SLC4A4: variants seen among roughly 807,000 people sequenced by gnomAD.
SLC4A4 encodes the protein electrogenic sodium bicarbonate cotransporter 1.
In SLC4A4, 27 loss-of-function variants were observed where a neutral mutation model predicts 111.5. That is an observed-to-expected ratio of 0.24 (90% CI 0.18 to 0.33). The LOEUF (loss-of-function observed/expected upper bound fraction) is 0.33, where lower values mean the gene tolerates loss of function less well. Among genes scored for constraint, SLC4A4 ranks in the 10% least tolerant of loss-of-function variants. The pLI is 1.00. For missense variants in SLC4A4, 909 were observed against 1,315.5 expected (o/e 0.69, Z 4.78); for synonymous variants, 443 against 463.4 (o/e 0.96, Z 0.57).
intron 3 of SLC4A4, among the ~76,000 whole-genome samples, chr4:71,325,356 G>T (rs1380140583): frequency 6.6e-6 from 1 of 151,942 alleles, no homozygotes; most frequent in African/African-American, 2.4e-5. Flanking sequence ...AGGACTGTTG[G>T]TTGCAAATGG....
At chr4:71,208,977 T>A (rs1422336982) in intron 1 of SLC4A4, among the ~76,000 whole-genome samples, 1 of 152,190 alleles carries the variant, frequency 6.6e-6, no homozygotes, top group East Asian at 1.9e-4. Flanking sequence ...TATTTGGTTA[T>A]AGAGACAAAT....
At chr4:71,063,386 T>C (rs1195019208) in intron 1 of SLC4A4, among the ~76,000 whole-genome samples, 1 of 152,208 alleles carries the variant, frequency 6.6e-6, no homozygotes, top group African/African-American at 2.4e-5. Flanking sequence ...TTGCCTCTAT[T>C]ATTTTATTAC....
chr4:71,138,819 G>A (rs1578515265), intron 2 of SLC4A4, among the ~76,000 whole-genome samples: 3 of 151,936 alleles, frequency 2.0e-5, no homozygotes, highest in Admixed American at 6.5e-5. Context: ...GGCGGATCAC[G>A]AGGTCAGGAG....
intron 3 of SLC4A4, among the ~76,000 whole-genome samples, chr4:71,292,909 T>G (rs1188943069): frequency 2.0e-5 from 3 of 149,750 alleles, no homozygotes; most frequent in Non-Finnish European, 4.4e-5. Context: ...TGGTGCGATT[T>G]CGGCTCACTG....
At chr4:71,216,061 A>G (rs1718414699) in intron 1 of SLC4A4, among the ~76,000 whole-genome samples, 1 of 151,182 alleles carries the variant, frequency 6.6e-6, no homozygotes, top group Non-Finnish European at 1.5e-5. Flanking sequence ...GGCGTGCACC[A>G]CCAGGCCTGG....
chr4:71,557,183 A>T (rs917055505), intron 21 of SLC4A4, among the ~76,000 whole-genome samples: 5 of 152,170 alleles, frequency 3.3e-5, no homozygotes, highest in Middle Eastern at 6.8e-3. Flanking sequence ...TATGCCACTC[A>T]GATAAGTAAT....
chr4:71,256,612 T>G (rs998308585), intron 3 of SLC4A4, among the ~76,000 whole-genome samples: 1 of 152,140 alleles, frequency 6.6e-6, no homozygotes, highest in African/African-American at 2.4e-5. Flanking sequence ...AGACTCAAGT[T>G]ATGTACTTTT....
intron 7 of SLC4A4, among the ~76,000 whole-genome samples, chr4:71,430,168 C>G (rs188325637): frequency 8.5e-5 from 13 of 152,130 alleles, no homozygotes; most frequent in Admixed American, 7.9e-4. Flanking sequence ...CTTGTGACCT[C>G]CCATTGGACA....
At chr4:71,072,864 C>T (rs186221765) in intron 1 of SLC4A4, among the ~76,000 whole-genome samples, 4 of 151,966 alleles carry the variant, frequency 2.6e-5, no homozygotes, top group Admixed American at 1.3e-4. Context: ...GCCTCTTGGG[C>T]TTAAGCGATC....
chr4:71,523,068 C>A (rs991598772), intron 16 of SLC4A4, among the ~76,000 whole-genome samples: 23 of 152,122 alleles, frequency 1.5e-4, no homozygotes, highest in African/African-American at 3.9e-4. Flanking sequence ...CAGATGACAT[C>A]CCCATTCTGG....
chr4:71,389,964 T>C (rs985481301), intron 6 of SLC4A4, among the ~76,000 whole-genome samples: 1 of 152,238 alleles, frequency 6.6e-6, no homozygotes, highest in Non-Finnish European at 1.5e-5. Context: ...TTCTTAGTTA[T>C]GAAATTCCTC....
At chr4:71,387,073 T>C (rs1282183156) in intron 6 of SLC4A4, among the ~76,000 whole-genome samples, 1 of 152,234 alleles carries the variant, frequency 6.6e-6, no homozygotes, top group Non-Finnish European at 1.5e-5. Context: ...GGTAGTGTTA[T>C]ACTTTCTTGA....
At chr4:71,239,025 A>G (rs1424079994) in intron 2 of SLC4A4, among the ~76,000 whole-genome samples, 6 of 152,154 alleles carry the variant, frequency 3.9e-5, no homozygotes. Flanking sequence ...TTTTAATTGC[A>G]TAGAGAAGAG....
intron 7 of SLC4A4, among the ~76,000 whole-genome samples, chr4:71,422,036 A>T (rs1722564802): frequency 6.6e-6 from 1 of 151,752 alleles, no homozygotes; most frequent in Non-Finnish European, 1.5e-5. Context: ...CAAAAAATTA[A>T]TGAATCCAGG....
intron 2 of SLC4A4, among the ~76,000 whole-genome samples, chr4:71,179,436 G>C (rs141603586): frequency 0.018 from 2,674 of 152,306 alleles, 79 homozygotes; most frequent in African/African-American, 0.059. Flanking sequence ...CAGATGACAT[G>C]ATTGTATATC....
intron 1 of SLC4A4, among the ~76,000 whole-genome samples, chr4:71,197,594 C>T (rs941500851): frequency 1.3e-5 from 2 of 152,110 alleles, no homozygotes; most frequent in Non-Finnish European, 2.9e-5. Context: ...TTAGCTTCCC[C>T]CAATGAACAC....
intron 2 of SLC4A4, among the ~76,000 whole-genome samples, chr4:71,116,599 A>G (rs1743273055): frequency 6.6e-6 from 1 of 152,206 alleles, no homozygotes; most frequent in African/African-American, 2.4e-5. Flanking sequence ...ATTGTAAGGA[A>G]GCTGGTTAAT....
At chr4:71,436,792 C>G (rs1724195140) in intron 7 of SLC4A4, among the ~76,000 whole-genome samples, 1 of 152,064 alleles carries the variant, frequency 6.6e-6, no homozygotes, top group Non-Finnish European at 1.5e-5. Context: ...TGTCCATAAT[C>G]CTTCCAGAAT....
intron 1 of SLC4A4, among the ~76,000 whole-genome samples, chr4:71,225,806 C>T (rs1285065331): frequency 3.3e-5 from 5 of 152,208 alleles, no homozygotes. Context: ...TGCATCTGAT[C>T]TGAGATCACT....
Sources: allele counts gnomAD v4.1 joint callset (sites outside exome capture counted in the v4.1 genomes callset), GRCh38; gene constraint gnomAD v4.1.1; transcripts MANE v1.5; gene names NCBI Gene and HGNC (gene_info 2026-07-23, HGNC 2026-07-21).